The following DHTKD1 variants were observed in gnomAD, a reference collection of about 807,000 sequenced individuals.
The protein encoded by DHTKD1 is 2-oxoadipate dehydrogenase complex component E1.
In DHTKD1, 78 loss-of-function variants were observed where a neutral mutation model predicts 101.8. The ratio of observed to expected loss-of-function variants is 0.77; its 90% confidence interval spans 0.64 to 0.93. DHTKD1 has a LOEUF of 0.93. Among genes scored for constraint, DHTKD1 ranks in the 40% least tolerant of loss-of-function variants. The pLI is 0.00. For missense variants in DHTKD1, 1,223 were observed against 1,161.7 expected (o/e 1.05, Z -0.77); for synonymous variants, 462 against 450.3 (o/e 1.03, Z -0.33).
chr10:12,070,667 T>C (rs546021571), intron 1 of DHTKD1, among the ~76,000 whole-genome samples: 1 of 152,208 alleles, frequency 6.6e-6, no homozygotes, highest in East Asian at 1.9e-4. Flanking sequence ...TTTTGTATTT[T>C]TAGTAGAGAT....
chr10:12,097,461 A>G (rs1833087062), intron 7 of DHTKD1, among the ~76,000 whole-genome samples: 1 of 152,036 alleles, frequency 6.6e-6, no homozygotes, highest in Non-Finnish European at 1.5e-5. Flanking sequence ...TTTAGTAGAG[A>G]CAGGGTTTCA....
rs1208631751 is a variant in DHTKD1 at position 12,110,121 on chromosome 10, A to G, written c.2154+2106A>G. On this transcript the variant is annotated intron_variant, in intron 12 of 16. Coordinates refer to ENST00000263035, the MANE Select transcript of DHTKD1 (RefSeq NM_018706.7). The surrounding 1 kb of genome is among the most constrained non-coding windows in gnomAD (Gnocchi z 4.9). Reference sequence around the variant, plus strand: ...AGACCATCCTGGCTAACACGGTGAAACCCTGTGTCTACTAAAAATACAAAA... The same window carrying G: ...AGACCATCCTGGCTAACACGGTGAAGCCCTGTGTCTACTAAAAATACAAAA... Among the ~76,000 whole-genome samples the G allele has an allele frequency of 6.6e-6, 1 of 152,020 alleles. No homozygotes were observed. The highest frequency in any genetic ancestry group is 1.5e-5 in the Non-Finnish European group (1 of 67,996).
chr10:12,090,428 T>TC (rs1832972208), intron 5 of DHTKD1, among the ~76,000 whole-genome samples: 3 of 119,760 alleles, frequency 2.5e-5, no homozygotes, highest in African/African-American at 3.6e-5. Context: ...TTCCTTCCTT[T>TC]TTCCTTCCTT....
rs747421793 is a variant in DHTKD1, at chr10:12,112,901, T to C, written c.2156T>C (p.Met719Thr). Residue 719 changes from methionine (M) to threonine (T), a missense_variant and splice_region_variant, in exon 13 of 17, where the codon ATG becomes ACG. Physicochemically the swap from Met to Thr is moderately conservative, Grantham distance 81. Coordinates refer to ENST00000263035, the MANE Select transcript of DHTKD1 (RefSeq NM_018706.7). ...CCTTTCTTGCCACTTCTCTCCCAGA[T>C]GTGTGACAGTGCGGAAGAGGGGGTG... is the stretch of plus-strand genomic sequence containing the variant. Reference protein sequence around the residue: ...SSCRIERFLQMCDSAEEGVDG... With the variant: ...SSCRIERFLQTCDSAEEGVDG... The C allele has an allele frequency of 5.0e-6, 8 of 1,601,472 alleles. No homozygotes were observed. Among genetic ancestry groups the C allele is most frequent in the Middle Eastern group, 1.7e-4 (1 of 6,006 alleles).
intron 13 of DHTKD1, among the ~76,000 whole-genome samples, chr10:12,115,415 T>G (rs1415213487): frequency 6.6e-6 from 1 of 152,132 alleles, no homozygotes; most frequent in Non-Finnish European, 1.5e-5. Context: ...TTAAGCAGTT[T>G]TTAGCATTCA....
rs139899790 is a variant in DHTKD1 at position 12,087,200 on chromosome 10, A to G, written c.523-335A>G. On this transcript the variant is annotated intron_variant, in intron 3 of 16. Transcript: ENST00000263035. The surrounding 1 kb of genome is among the most constrained non-coding windows in gnomAD (Gnocchi z 5.2). The stretch of plus-strand genomic sequence containing the variant: ...TTTGCAGCCTTGATTCATACCGTAG[A>G]GCCCCGTGTGAAAACTGGGGTACTG... Among the ~76,000 whole-genome samples the G allele has an allele frequency of 4.6e-3, 706 of 152,208 alleles. 8 individuals carry two copies. The highest frequency in any genetic ancestry group is 0.015 in the African/African-American group (641 of 41,536).
rs775851398 is a variant in DHTKD1, at chr10:12,087,689, G to A, written c.677G>A (p.Arg226Lys). The change falls in exon 4 of 17, where the codon AGG becomes AAG. Residue 226 changes from arginine to lysine, a missense_variant. Physicochemically the swap from Arg to Lys is conservative, Grantham distance 26 (BLOSUM62 2). Transcript: ENST00000263035. This position sits in a 1 kb window ranked among gnomAD's most constrained non-coding sequence, Gnocchi z 5.2. Reference sequence around the variant, plus strand: ...ATTATTGGGATGCCCCATAGAGGGAGGCTGAATTTATTGACAGGCCTTCTG... The same window carrying A: ...ATTATTGGGATGCCCCATAGAGGGAAGCTGAATTTATTGACAGGCCTTCTG... The part of the protein sequence containing the change: ...DVIIGMPHRG[R>K]LNLLTGLLQF... 5 of 1,610,524 alleles carry A rather than the reference G, an allele frequency of 3.1e-6. No homozygotes were observed. In the South Asian group the frequency reaches 5.5e-5, roughly 18 times the overall value.
Position 12,085,534 on chromosome 10 carries a change from CGT to C in DHTKD1, c.522+786_522+787del, listed in dbSNP as rs1198103458. On this transcript the variant is annotated intron_variant, in intron 3 of 16. Transcript: ENST00000263035. ...CTCTCCTCAGAGTCAAAATACTTCT[CGT>C]GTATGTGTCTACTCACTCTATAAAA... Among the ~76,000 whole-genome samples, 4 of 152,112 alleles carry C rather than the reference CGT, an allele frequency of 2.6e-5. No individual in the cohort carries two copies. The East Asian group carries it at 7.7e-4, about 29-fold the overall frequency.
chr10:12,113,684 G>A (rs561810549), intron 13 of DHTKD1, among the ~76,000 whole-genome samples: 2 of 152,230 alleles, frequency 1.3e-5, no homozygotes, highest in South Asian at 4.1e-4. Flanking sequence ...CCAGGACTTT[G>A]GGAGGCCTAG....
intron 1 of DHTKD1, among the ~76,000 whole-genome samples, chr10:12,071,667 C>T (rs1248370376): frequency 6.6e-6 from 1 of 152,050 alleles, no homozygotes; most frequent in African/African-American, 2.4e-5. Flanking sequence ...GTGACTCACG[C>T]CTGTAATCCC....
At chr10:12,119,707 C>A (rs1489360046) in intron 15 of DHTKD1, among the ~76,000 whole-genome samples, 1 of 151,178 alleles carries the variant, frequency 6.6e-6, no homozygotes, top group African/African-American at 2.4e-5. Context: ...TCAGGCAGAA[C>A]AGCTAATGGA....
intron 1 of DHTKD1, among the ~76,000 whole-genome samples, chr10:12,079,617 G>A (rs529211108): frequency 2.4e-4 from 36 of 152,096 alleles, no homozygotes; most frequent in African/African-American, 5.1e-4. Context: ...GCAGTGAGCC[G>A]AGATTGCACC....
At chr10:12,069,642 C>A (rs1186539931) in intron 1 of DHTKD1, among the ~76,000 whole-genome samples, 10 of 140,044 alleles carry the variant, frequency 7.1e-5, no homozygotes, top group Non-Finnish European at 1.4e-4. Flanking sequence ...TCCACCTCAG[C>A]GTCCCGAGTA....
rs1004028022 is a variant in DHTKD1, at chr10:12,120,969, C to T, written c.*81C>T. The T allele has an allele frequency of 1.7e-5, 23 of 1,341,644 alleles. No homozygotes were observed. Among genetic ancestry groups the T allele is most frequent in the South Asian group, 3.6e-5 (3 of 83,378 alleles). The allele number at this position is 1,341,644 out of a possible 1,614,324, so 83.1% of individuals were successfully genotyped here. ...GTGGGGTGGCACATGCCTGTAATCC[C>T]AGCACTTTGGGAGGCCAAGGCTGGT... On this transcript the variant is annotated 3_prime_UTR_variant, in exon 17 of 17. Coordinates refer to ENST00000263035, the MANE Select transcript of DHTKD1 (RefSeq NM_018706.7).
intron 1 of DHTKD1, among the ~76,000 whole-genome samples, chr10:12,073,740 G>A (rs548126120): frequency 2.0e-5 from 3 of 152,168 alleles, no homozygotes; most frequent in East Asian, 1.9e-4. Context: ...GGAGTAATGC[G>A]TGCATCCCCA....
At chr10:12,115,440 G>A (rs1833400905) in intron 13 of DHTKD1, among the ~76,000 whole-genome samples, 1 of 152,102 alleles carries the variant, frequency 6.6e-6, no homozygotes, top group Non-Finnish European at 1.5e-5. Context: ...GGAGTAGGGA[G>A]GTACTCATTC....
At chr10:12,070,835 C>T (rs1832640946) in intron 1 of DHTKD1, among the ~76,000 whole-genome samples, 1 of 152,192 alleles carries the variant, frequency 6.6e-6, no homozygotes, top group Non-Finnish European at 1.5e-5. Context: ...TTCCTGTCTA[C>T]TTGCTCATTA....
Position 12,106,280 on chromosome 10 carries a change from T to C in DHTKD1, c.1931T>C (p.Leu644Pro). ...AGCCCACTGTCAGAAGAGGCCGTCC[T>C]GGGATTTGAATATGGGATGAGCATT... ...SNSPLSEEAV[L>P]GFEYGMSIES... Residue 644 changes from leucine to proline, a missense_variant, in exon 11 of 17, where the codon CTG (leucine) becomes CCG (proline). Leu to Pro is a moderately conservative substitution (Grantham distance 98). Transcript: ENST00000263035. 1.2e-6 allele frequency: 2 copies of C among 1,614,154 alleles called. No homozygotes were observed. Among genetic ancestry groups the C allele is most frequent in the Non-Finnish European group, 1.7e-6 (2 of 1,180,020 alleles).
chr10:12,085,468 T>G (rs1832883413), intron 3 of DHTKD1, among the ~76,000 whole-genome samples: 1 of 152,202 alleles, frequency 6.6e-6, no homozygotes, highest in Admixed American at 6.6e-5. Context: ...CACTTTATTC[T>G]AAGTAGCAAA....
Sources: allele counts gnomAD v4.1 joint callset (sites outside exome capture counted in the v4.1 genomes callset), GRCh38; gene constraint gnomAD v4.1.1; non-coding constraint Gnocchi (gnomAD v3.1); transcripts MANE v1.5; gene names NCBI Gene and HGNC (gene_info 2026-07-23, HGNC 2026-07-21).